TF: variants seen among roughly 807,000 people sequenced by gnomAD.
TF encodes the protein serotransferrin.
TF carries 55 observed loss-of-function variants against 82.4 expected under a neutral mutation model. The observed-to-expected ratio is 0.67, with a 90% CI of 0.54 to 0.84. TF has a LOEUF of 0.84. Among genes scored for constraint, TF ranks in the 40% least tolerant of loss-of-function variants. TF has a pLI of 0.00. For synonymous variants in TF, 332 were observed against 332.6 expected, an observed-to-expected ratio of 1.00 and a Z score of 0.02; for missense variants, 737 against 868.4, an observed-to-expected ratio of 0.85 and a Z score of 1.90.
intron 4 of TF, among the ~76,000 whole-genome samples, 170 bp downstream of exon 4, chr3:133,754,841 G>A (rs776212517): frequency 6.6e-6 from 1 of 152,230 alleles, no homozygotes; most frequent in Admixed American, 6.5e-5. Context: ...GCACTTGGGA[G>A]GTGGAGCTGA....
upstream of TF, chr3:133,746,235 A>G: frequency 1.6e-6 from 1 of 642,364 alleles, no homozygotes; most frequent in Non-Finnish European, 2.8e-6. Context: ...TCGTCTCCAG[A>G]GCTCAGAAAA....
the TF span, among the ~76,000 whole-genome samples, chr3:133,717,266 C>G: frequency 6.6e-6 from 1 of 152,172 alleles, no homozygotes; most frequent in Non-Finnish European, 1.5e-5. Context: ...CTGGGTGCTC[C>G]CTCCTTGAAA....
the TF span, chr3:133,662,076 C>A: frequency 6.6e-6 from 1 of 152,242 alleles, no homozygotes; most frequent in African/African-American, 2.4e-5. Context: ...AAAGCTTGGG[C>A]CGGACCCTTT....
At chr3:133,681,543 AG>A in the TF span, among the ~76,000 whole-genome samples, 1 of 152,222 alleles carries the variant, frequency 6.6e-6, no homozygotes, top group African/African-American at 2.4e-5. Flanking sequence ...ACGGCACACC[AG>A]GAGATTATAT....
the TF span, among the ~76,000 whole-genome samples, chr3:133,740,927 T>C: frequency 0.39 from 42,789 of 108,936 alleles, 5,575 homozygotes; most frequent in South Asian, 0.5. Context: ...TTTTTTTTTT[T>C]AATTTGAGTA....
At chr3:133,715,707 A>G in the TF span, among the ~76,000 whole-genome samples, 2 of 152,126 alleles carry the variant, frequency 1.3e-5, no homozygotes, top group African/African-American at 4.8e-5. Context: ...TCAGGCCCCA[A>G]ACTGCCAACA....
At chr3:133,712,880 C>G in the TF span, 1 of 152,698 alleles carries the variant, frequency 6.5e-6, no homozygotes, top group East Asian at 1.9e-4. Context: ...TTCCATCATC[C>G]CAGCATCTGG....
chr3:133,693,937 G>A, the TF span, among the ~76,000 whole-genome samples: 1 of 152,012 alleles, frequency 6.6e-6, no homozygotes, highest in East Asian at 1.9e-4. Flanking sequence ...ACCCTGCAGC[G>A]GACAAGCTGG....
chr3:133,783,453 C>T lies in TF; in HGVS notation c.*4833C>T, dbSNP rs995107136. 1.3e-5 allele frequency: 2 copies of T among 151,952 alleles called. No homozygotes were observed. Among genetic ancestry groups the T allele is most frequent in the Non-Finnish European group, 2.9e-5 (2 of 68,012 alleles). The allele number at this position is 151,952 out of a possible 1,614,324, so 9.4% of individuals were successfully genotyped here. A position where few individuals can be genotyped will look rare whatever the true frequency, so the allele number is the denominator to read the frequency against. On this transcript the variant is annotated 3_prime_UTR_variant, in exon 17 of 17. Coordinates refer to ENST00000402696, the MANE Select transcript of TF (RefSeq NM_001063.4). ...ACTTACCGGTTAAAGTAAAAACTTTCGAAACGTATAAAGGTTTAAATATAA... is the reference window on the plus strand; with the variant it reads ...ACTTACCGGTTAAAGTAAAAACTTTTGAAACGTATAAAGGTTTAAATATAA...
At chr3:133,728,620 T>A in the TF span, among the ~76,000 whole-genome samples, 1 of 152,026 alleles carries the variant, frequency 6.6e-6, no homozygotes, top group Non-Finnish European at 1.5e-5. Context: ...TAGCTTGGAG[T>A]AGTTTGATTG....
the TF span, among the ~76,000 whole-genome samples, chr3:133,713,504 A>T: frequency 1.3e-5 from 2 of 152,346 alleles, no homozygotes; most frequent in East Asian, 3.9e-4. Context: ...CTAGGAATGT[A>T]GAGGCAGGGA....
the TF span, among the ~76,000 whole-genome samples, chr3:133,740,911 T>G: frequency 6.6e-5 from 8 of 121,886 alleles, no homozygotes; most frequent in Non-Finnish European, 1.2e-4. Flanking sequence ...ATTTTTCATG[T>G]TTTTTTTTTT....
chr3:133,676,734 C>G, the TF span, among the ~76,000 whole-genome samples: 1 of 152,224 alleles, frequency 6.6e-6, no homozygotes, highest in Admixed American at 6.5e-5. Flanking sequence ...ACAAGGAAAC[C>G]CAGAGTGCAG....
At chr3:133,698,179 T>C in the TF span, among the ~76,000 whole-genome samples, 1 of 152,390 alleles carries the variant, frequency 6.6e-6, no homozygotes, top group East Asian at 1.9e-4. Flanking sequence ...CGCTGGAGCC[T>C]GCTCCCACTC....
chr3:133,724,620 A>C, the TF span, among the ~76,000 whole-genome samples: 1 of 152,100 alleles, frequency 6.6e-6, no homozygotes, highest in East Asian at 1.9e-4. Context: ...GTTCACTCTG[A>C]TGGTAGTTTC....
the TF span, among the ~76,000 whole-genome samples, chr3:133,678,366 G>A: frequency 1.3e-5 from 2 of 152,156 alleles, no homozygotes; most frequent in Admixed American, 1.3e-4. Context: ...ATTCCTTTGG[G>A]TATATACCCA....
chr3:133,759,978 T>A (rs1933947076), intron 9 of TF, among the ~76,000 whole-genome samples: 1 of 152,056 alleles, frequency 6.6e-6, no homozygotes, highest in Non-Finnish European at 1.5e-5. Flanking sequence ...CTTGCTACCT[T>A]TTACTCACTC....
chr3:133,776,838 C>G lies in TF; in HGVS notation c.1873-211C>G, dbSNP rs41296606. ...TCAGAGGAAGGTGGGACCAGGGACC[C>G]TATAGATGATTTTGGGGGCATCATG... On this transcript the variant is annotated intron_variant, in intron 15 of 16. Transcript: ENST00000402696. Among the ~76,000 whole-genome samples the G allele has an allele frequency of 2.8e-3, 433 of 152,198 alleles. 1 individual carries two copies. The highest frequency in any genetic ancestry group is 9.3e-3 in the African/African-American group (387 of 41,528).
At position 133,756,308 on chromosome 3, in the gene TF, T is replaced by G. The variant is rs377693204; in HGVS notation, c.662T>G (p.Val221Gly). The change falls in exon 6 of 17, where the codon GTG becomes GGG. Residue 221 changes from valine to glycine, a missense_variant. Transcript: ENST00000402696. ...FKCLKDGAGD[V>G]AFVKHSTIFE... ...TGTCTGAAGGATGGTGCTGGGGATG[T>G]GGCCTTTGTCAAGCACTCGACTATA... 60 of 1,614,036 alleles carry G rather than the reference T, an allele frequency of 3.7e-5. No individual in the cohort carries two copies. The highest frequency in any genetic ancestry group is 4.8e-5 in the Non-Finnish European group (57 of 1,180,044).
Sources: gnomAD v4.1 joint callset for allele counts (sites outside exome capture counted in the v4.1 genomes callset) on GRCh38, gnomAD v4.1.1 for gene constraint, MANE v1.5 for transcripts, NCBI Gene and HGNC (gene_info 2026-07-23, HGNC 2026-07-21) for gene names.